Variants in LOC400499 observed in about 807,000 individuals in gnomAD.
chr16:11,524,722 C>T, the LOC400499 span, among the ~76,000 whole-genome samples: 4 of 152,016 alleles, frequency 2.6e-5, no homozygotes, highest in Non-Finnish European at 4.4e-5. Flanking sequence ...GGAGCTCCCT[C>T]CCTGGGAAGG....
the LOC400499 span, among the ~76,000 whole-genome samples, chr16:11,495,130 AC>A: frequency 1.3e-5 from 2 of 151,766 alleles, no homozygotes; most frequent in African/African-American, 4.8e-5. Flanking sequence ...AATCCCTTGA[AC>A]CCGGGAAGCA....
the LOC400499 span, chr16:11,443,330 C>G: frequency 3.9e-6 from 1 of 257,982 alleles, no homozygotes; most frequent in Non-Finnish European, 6.8e-6. Flanking sequence ...TCCTCAGTCT[C>G]AAAAAAAAAA....
chr16:11,510,375 G>A, the LOC400499 span, among the ~76,000 whole-genome samples: 1 of 151,772 alleles, frequency 6.6e-6, no homozygotes, highest in Admixed American at 6.6e-5. Context: ...GACACACAGA[G>A]GTCGTGCCTG....
chr16:11,400,253 C>A, the LOC400499 span, among the ~76,000 whole-genome samples: 1 of 152,036 alleles, frequency 6.6e-6, no homozygotes, highest in Non-Finnish European at 1.5e-5. Context: ...CCCAAAGCAC[C>A]CGGCTCATTC....
At chr16:11,437,270 C>T in the LOC400499 span, among the ~76,000 whole-genome samples, 1 of 152,194 alleles carries the variant, frequency 6.6e-6, no homozygotes. Flanking sequence ...TGTCAAAATC[C>T]ACAGGCTGGC....
At chr16:11,474,331 T>G in the LOC400499 span, among the ~76,000 whole-genome samples, 76 of 152,332 alleles carry the variant, frequency 5.0e-4, no homozygotes, top group Non-Finnish European at 9.8e-4. Flanking sequence ...TTTCATGATA[T>G]GAGATATTCT....
the LOC400499 span, chr16:11,477,839 T>C: frequency 1.5e-5 from 6 of 398,776 alleles, no homozygotes; most frequent in Non-Finnish European, 2.7e-5. Context: ...GACATAACCA[T>C]TCACAGAGAA....
the LOC400499 span, among the ~76,000 whole-genome samples, chr16:11,477,576 T>C: frequency 6.6e-6 from 1 of 152,238 alleles, no homozygotes. Flanking sequence ...GGCATAGGGT[T>C]GTGGCCAGCC....
the LOC400499 span, among the ~76,000 whole-genome samples, chr16:11,424,745 G>C: frequency 6.6e-6 from 1 of 152,184 alleles, no homozygotes; most frequent in Non-Finnish European, 1.5e-5. Context: ...CTTCTGAGAA[G>C]CTCGAGCAGG....
At chr16:11,448,960 G>C in the LOC400499 span, 13 of 1,504,040 alleles carry the variant, frequency 8.6e-6, no homozygotes, top group Non-Finnish European at 1.2e-5. Flanking sequence ...TTCAGCTCCT[G>C]CTGGGGGCCT....
At chr16:11,465,079 T>C in the LOC400499 span, among the ~76,000 whole-genome samples, 2 of 152,172 alleles carry the variant, frequency 1.3e-5, no homozygotes, top group African/African-American at 4.8e-5. Flanking sequence ...GAGAAGACAC[T>C]GGAAACTGAG....
At chr16:11,454,328 T>C in the LOC400499 span, among the ~76,000 whole-genome samples, 21 of 152,354 alleles carry the variant, frequency 1.4e-4, no homozygotes, top group Non-Finnish European at 2.2e-4. Context: ...AAAAGATTAA[T>C]TGAAGTCTTA....
At chr16:11,420,758 G>A in the LOC400499 span, among the ~76,000 whole-genome samples, 2 of 152,076 alleles carry the variant, frequency 1.3e-5, no homozygotes, top group Non-Finnish European at 2.9e-5. Flanking sequence ...GCCCAGCCGT[G>A]ACTGCATCAC....
chr16:11,397,074 GT>G, the LOC400499 span, among the ~76,000 whole-genome samples: 1 of 152,164 alleles, frequency 6.6e-6, no homozygotes, highest in Non-Finnish European at 1.5e-5. Context: ...TGCATCTCTA[GT>G]TTGTTGTATC....
At chr16:11,432,305 CT>C in the LOC400499 span, among the ~76,000 whole-genome samples, 1 of 152,216 alleles carries the variant, frequency 6.6e-6, no homozygotes, top group African/African-American at 2.4e-5. Context: ...AATGGTTGTT[CT>C]TTAATCTCTA....
chr16:11,389,298 G>C, the LOC400499 span, among the ~76,000 whole-genome samples: 1 of 152,346 alleles, frequency 6.6e-6, no homozygotes, highest in South Asian at 2.1e-4. Flanking sequence ...GTATAGCTCA[G>C]GGGTGGTAAA....
the LOC400499 span, chr16:11,494,547 CG>C: frequency 2.5e-6 from 1 of 398,964 alleles, no homozygotes; most frequent in Non-Finnish European, 4.4e-6. Flanking sequence ...GCACTGAAGC[CG>C]GTACTCAGGA....
chr16:11,465,593 C>T, the LOC400499 span: 5 of 141,518 alleles, frequency 3.5e-5, no homozygotes, highest in Non-Finnish European at 7.7e-5. Flanking sequence ...ATAGTAAGAC[C>T]TCGTCTTCAC....
chr16:11,385,900 G>A, the LOC400499 span, among the ~76,000 whole-genome samples: 3 of 152,006 alleles, frequency 2.0e-5, no homozygotes, highest in African/African-American at 2.4e-5. Flanking sequence ...GGCCAGGCAC[G>A]GCGGCGCTAA....
Sources: gnomAD v4.1 joint callset for allele counts (sites outside exome capture counted in the v4.1 genomes callset) on GRCh38, gnomAD v4.1.1 for gene constraint, MANE v1.5 for transcripts.